TIA1: variants seen among roughly 807,000 people sequenced by gnomAD.
The protein encoded by TIA1 is cytotoxic granule associated RNA binding protein TIA1.
A neutral mutation model predicts 65.9 loss-of-function variants in TIA1; 23 were observed. The observed-to-expected ratio is 0.35, with a 90% CI of 0.25 to 0.49. TIA1 has a LOEUF of 0.49. Ranked by LOEUF, TIA1 falls within the 20% of genes least tolerant of loss-of-function variation. The pLI is 0.98. For synonymous variants in TIA1, 147 were observed against 149.4 expected (o/e 0.98, Z 0.12); for missense variants, 371 against 477.9 (o/e 0.78, Z 2.09).
At chr2:70,228,845 T>C (rs1684865576) in intron 5 of TIA1, 2 of 1,425,686 alleles carry the variant, frequency 1.4e-6, no homozygotes, top group African/African-American at 1.4e-5. Flanking sequence ...CATCAGCTGC[T>C]ACCAAACGGG....
intron 8 of TIA1, 86 bp downstream of exon 8, chr2:70,216,800 A>T: frequency 1.2e-6 from 2 of 1,608,998 alleles, no homozygotes; most frequent in Non-Finnish European, 1.7e-6. Context: ...TTCTGCAATA[A>T]GTCTCCGGGA....
At position 70,217,404 on chromosome 2, in the gene TIA1, C is replaced by CTT. The variant is rs138387625; in HGVS notation, c.475-412_475-411dup. 3.4e-5 allele frequency among the ~76,000 whole-genome samples: 5 copies of CTT among 147,582 alleles called. No individual in the cohort carries two copies. The East Asian group carries it at 1.0e-3, about 30-fold the overall frequency. ...CCAGGCTGGTCTCGAACTTCTTCTTCTTTTTTTTTTCTTTTTTAAGTCTCG... is the reference window on the plus strand; with the variant it reads ...CCAGGCTGGTCTCGAACTTCTTCTTCTTTTTTTTTTTTCTTTTTTAAGTCTCG... On this transcript the variant is annotated intron_variant, in intron 7 of 12. Coordinates refer to ENST00000433529, the MANE Select transcript of TIA1 (RefSeq NM_022173.4).
chr2:70,241,836 T>C (rs1034137190), intron 1 of TIA1, among the ~76,000 whole-genome samples: 2 of 151,788 alleles, frequency 1.3e-5, no homozygotes, highest in Admixed American at 1.3e-4. Context: ...TCCAGCTACT[T>C]GGGAAGCTGA....
At chr2:70,238,818 A>C (rs1690345574) in intron 1 of TIA1, among the ~76,000 whole-genome samples, 1 of 152,174 alleles carries the variant, frequency 6.6e-6, no homozygotes, top group Non-Finnish European at 1.5e-5. Flanking sequence ...TTGGAGGCCA[A>C]GGTGGAAAGA....
chr2:70,221,673 G>A lies in TIA1; in HGVS notation c.474+2881C>T, dbSNP rs148494056. ...AGGAGGGGCATGAAAGGAGGATAGT[G>A]ACTGCTAATGAGTCATGTAGCTTCT... On this transcript the variant is annotated intron_variant, in intron 7 of 12. Transcript: ENST00000433529. 6.7e-3 allele frequency among the ~76,000 whole-genome samples: 1,015 copies of A among 152,218 alleles called. 9 individuals are homozygous for A. The highest frequency in any genetic ancestry group is 9.3e-3 in the Non-Finnish European group (631 of 68,014).
At chr2:70,220,488 T>C (rs965852341) in intron 7 of TIA1, among the ~76,000 whole-genome samples, 16 of 152,050 alleles carry the variant, frequency 1.1e-4, no homozygotes, top group African/African-American at 3.9e-4. Context: ...ATTGGAGTTA[T>C]ACAGCTACAA....
At chr2:70,221,187 A>T (rs1681161564) in intron 7 of TIA1, among the ~76,000 whole-genome samples, 2 of 152,086 alleles carry the variant, frequency 1.3e-5, no homozygotes, top group South Asian at 4.1e-4. Context: ...TTCTATTTTT[A>T]GTAGAGACGG....
intron 1 of TIA1, among the ~76,000 whole-genome samples, chr2:70,237,072 C>T (rs1448884984): frequency 6.6e-6 from 1 of 152,206 alleles, no homozygotes; most frequent in African/African-American, 2.4e-5. Context: ...GCCAACACTT[C>T]AAAATCTCTT....
At chr2:70,248,218 C>T (rs1442830642) in intron 1 of TIA1, among the ~76,000 whole-genome samples, 187 bp downstream of exon 1, 1 of 152,220 alleles carries the variant, frequency 6.6e-6, no homozygotes, top group South Asian at 2.1e-4. Context: ...GGGTTGAGCC[C>T]CGTCTCCCTT....
At position 70,222,701 on chromosome 2, in the gene TIA1, G is replaced by A. The variant is rs188257767; in HGVS notation, c.474+1853C>T. On this transcript the variant is annotated intron_variant, in intron 7 of 12. Transcript: ENST00000433529. ...GAGGCCGAGGCAGGTGGATCACAAG[G>A]TCAGGAGTTTGAGACCAGCCTGGCC... Among the ~76,000 whole-genome samples the A allele has an allele frequency of 3.9e-4, 59 of 152,332 alleles. 2 individuals are homozygous for A. The South Asian group carries it at 7.4e-3, about 19-fold the overall frequency.
rs1483110200 is a variant in TIA1, at chr2:70,217,027, G to A, written c.475-33C>T. On this transcript the variant is annotated intron_variant, in intron 7 of 12. Transcript: ENST00000433529. ...GTACAACATTAGAAACAATAAAGAAGTCACTATTAGTTGATGTTAAACAAC... is the reference window on the plus strand; with the variant it reads ...GTACAACATTAGAAACAATAAAGAAATCACTATTAGTTGATGTTAAACAAC... 3 of 1,577,960 alleles carry A rather than the reference G, an allele frequency of 1.9e-6. No homozygotes were observed. The African/African-American group carries it at 4.1e-5, about 21-fold the overall frequency.
chr2:70,236,476 G>C (rs1688996435), intron 1 of TIA1, among the ~76,000 whole-genome samples: 2 of 151,906 alleles, frequency 1.3e-5, no homozygotes, highest in Non-Finnish European at 2.9e-5. Flanking sequence ...TGAAATTACA[G>C]GTGTGAGCCA....
intron 6 of TIA1, among the ~76,000 whole-genome samples, chr2:70,227,234 T>C (rs17005418): frequency 0.024 from 3,693 of 152,272 alleles, 363 homozygotes; most frequent in Admixed American, 0.17. Context: ...CAGTGCTTCA[T>C]AAAATATTAT....
chr2:70,229,411 A>G, intron 3 of TIA1, 93 bp from the exon 4 acceptor site: 2 of 1,084,712 alleles, frequency 1.8e-6, no homozygotes, highest in South Asian at 1.4e-5. Context: ...TATCTGTTTA[A>G]GATGAAACAC....
intron 1 of TIA1, among the ~76,000 whole-genome samples, chr2:70,247,739 T>C (rs921406244): frequency 1.3e-5 from 2 of 152,160 alleles, no homozygotes; most frequent in Non-Finnish European, 2.9e-5. Context: ...TAAATCCATT[T>C]CCCCTCAATT....
At chr2:70,231,409 G>T (rs1402048509) in intron 2 of TIA1, among the ~76,000 whole-genome samples, 2 of 151,680 alleles carry the variant, frequency 1.3e-5, no homozygotes. Context: ...TCCAGCCTGG[G>T]CAACACAGCA....
chr2:70,216,824 T>G (rs1201841349), intron 8 of TIA1, 62 bp downstream of exon 8: 4 of 1,612,402 alleles, frequency 2.5e-6, no homozygotes, highest in Non-Finnish European at 2.5e-6. Context: ...GCTCTAACAT[T>G]TAAAATCTAG....
intron 1 of TIA1, among the ~76,000 whole-genome samples, chr2:70,238,462 G>A (rs943596425): frequency 2.6e-5 from 4 of 151,008 alleles, no homozygotes; most frequent in Non-Finnish European, 5.9e-5. Flanking sequence ...TGGTAGAGAC[G>A]GGGTTTCACC....
At chr2:70,219,603 T>C (rs776841645) in intron 7 of TIA1, among the ~76,000 whole-genome samples, 44 of 152,136 alleles carry the variant, frequency 2.9e-4, no homozygotes, top group Non-Finnish European at 4.9e-4. Flanking sequence ...TCCTAGTAGC[T>C]AGGACTATAA....
Sources: allele counts gnomAD v4.1 joint callset (sites outside exome capture counted in the v4.1 genomes callset), GRCh38; gene constraint gnomAD v4.1.1; transcripts MANE v1.5; gene names NCBI Gene and HGNC (gene_info 2026-07-23, HGNC 2026-07-21).